The following FHIT variants were observed in gnomAD, a reference collection of about 807,000 sequenced individuals.
FHIT encodes bis(5'-adenosyl)-triphosphatase.
In FHIT, 19 loss-of-function variants were observed where a neutral mutation model predicts 17.9. The observed-to-expected ratio is 1.06, with a 90% CI of 0.74 to 1.56. The LOEUF (loss-of-function observed/expected upper bound fraction) is 1.56. FHIT is among the 40% of genes most tolerant of loss of function. The probability of loss-of-function intolerance (pLI) is 0.00; values close to 1 mark genes in which losing one functional copy is unlikely to be tolerated. For synonymous variants in FHIT, 81 were observed against 69.7 expected (o/e 1.16, Z -0.81); for missense variants, 248 against 189.2 (o/e 1.31, Z -1.82).
intron 2 of FHIT, among the ~76,000 whole-genome samples, chr3:61,110,066 G>A (rs952578741): frequency 7.9e-5 from 12 of 152,024 alleles, no homozygotes; most frequent in Non-Finnish European, 1.3e-4. Flanking sequence ...CTCTACTTAG[G>A]AGCCTGCTAA....
At chr3:60,031,366 T>C (rs910523740) in intron 5 of FHIT, among the ~76,000 whole-genome samples, 4 of 152,158 alleles carry the variant, frequency 2.6e-5, no homozygotes, top group Admixed American at 2.6e-4. Context: ...GGGTCAACCT[T>C]TGACTATAGC....
chr3:59,909,415 C>T (rs1025057345), intron 8 of FHIT, among the ~76,000 whole-genome samples: 1 of 152,034 alleles, frequency 6.6e-6, no homozygotes, highest in East Asian at 1.9e-4. Flanking sequence ...CTGCAACCTC[C>T]TCCTCTGGGG....
At chr3:59,804,888 G>C (rs1700134944) in intron 8 of FHIT, among the ~76,000 whole-genome samples, 1 of 152,188 alleles carries the variant, frequency 6.6e-6, no homozygotes, top group Non-Finnish European at 1.5e-5. Context: ...CATGCACTAA[G>C]CATTTGGGGA....
rs1407740800 is a variant in FHIT, at chr3:60,006,282, TATAATC to T, written c.279+5083_279+5088del. ...TAAGATATTTAAATAGCACAAGTCA[TATAATC>T]AGAGTAAAGTTTTCTCAAGAATTTA... On this transcript the variant is annotated intron_variant, in intron 7 of 9. Coordinates refer to ENST00000492590, the MANE Select transcript of FHIT (RefSeq NM_002012.4). Among the ~76,000 whole-genome samples, 4 of 152,310 alleles carry T rather than the reference TATAATC, an allele frequency of 2.6e-5. No individual in the cohort carries two copies. The South Asian group carries it at 8.3e-4, about 32-fold the overall frequency.
At chr3:60,357,578 A>G (rs1699726766) in intron 5 of FHIT, among the ~76,000 whole-genome samples, 1 of 152,156 alleles carries the variant, frequency 6.6e-6, no homozygotes. Flanking sequence ...AACACATTAA[A>G]TGATGATTTC....
At chr3:60,716,915 C>T (rs1311784248) in intron 4 of FHIT, among the ~76,000 whole-genome samples, 1 of 152,104 alleles carries the variant, frequency 6.6e-6, no homozygotes, top group Non-Finnish European at 1.5e-5. Flanking sequence ...ATTGACCAGA[C>T]CATTGTTAAG....
intron 5 of FHIT, among the ~76,000 whole-genome samples, chr3:60,477,774 C>T (rs60877870): frequency 0.037 from 5,567 of 152,172 alleles, 322 homozygotes; most frequent in African/African-American, 0.12. Flanking sequence ...CCATAGTAAA[C>T]ATTTTTATCT....
At chr3:60,080,939 T>G (rs1168790659) in intron 5 of FHIT, 1 of 152,110 alleles carries the variant, frequency 6.6e-6, no homozygotes, top group Non-Finnish European at 1.5e-5. Context: ...CTAGTCTCCT[T>G]TCTGAGTTTT....
chr3:60,255,756 T>G (rs72890150), intron 5 of FHIT, among the ~76,000 whole-genome samples: 3,986 of 152,140 alleles, frequency 0.026, 170 homozygotes, highest in African/African-American at 0.092. Context: ...TAGATGGATA[T>G]CTATAACTGG....
chr3:60,438,776 A>C (rs775185194), intron 5 of FHIT, among the ~76,000 whole-genome samples: 38 of 152,116 alleles, frequency 2.5e-4, no homozygotes, highest in Admixed American at 1.0e-3. Context: ...GGGTTAAATC[A>C]AACCTCTGCA....
At chr3:59,925,824 C>T (rs1705632448) in intron 7 of FHIT, among the ~76,000 whole-genome samples, 1 of 152,164 alleles carries the variant, frequency 6.6e-6, no homozygotes, top group African/African-American at 2.4e-5. Flanking sequence ...CTTCTCAGAA[C>T]AGGGAAATCA....
chr3:59,894,857 C>T (rs1439230799), intron 8 of FHIT, among the ~76,000 whole-genome samples: 1 of 152,226 alleles, frequency 6.6e-6, no homozygotes, highest in African/African-American at 2.4e-5. Context: ...GGTTTCATCC[C>T]AAGTGCTACC....
chr3:60,669,765 C>A (rs1456369043), intron 4 of FHIT, among the ~76,000 whole-genome samples: 1 of 152,144 alleles, frequency 6.6e-6, no homozygotes, highest in Non-Finnish European at 1.5e-5. Flanking sequence ...GAATGTAAGA[C>A]CAGGCCCCTG....
At chr3:60,707,635 C>G (rs1553703869) in intron 4 of FHIT, among the ~76,000 whole-genome samples, 1 of 152,186 alleles carries the variant, frequency 6.6e-6, no homozygotes. Flanking sequence ...GTCCAGCAGT[C>G]TCTTCTGGAA....
chr3:60,108,891 G>T (rs975215269), intron 5 of FHIT, among the ~76,000 whole-genome samples: 8 of 152,192 alleles, frequency 5.3e-5, no homozygotes, highest in Admixed American at 5.2e-4. Context: ...TCGTACTCCC[G>T]ACCTCAAGTG....
chr3:59,985,877 A>T (rs368443751), intron 7 of FHIT, among the ~76,000 whole-genome samples: 20 of 152,088 alleles, frequency 1.3e-4, no homozygotes, highest in African/African-American at 4.6e-4. Context: ...ACTGGAAATG[A>T]AACCTACTTG....
chr3:60,049,204 C>T lies in FHIT; in HGVS notation c.104-35052G>A, dbSNP rs77640244. Among the ~76,000 whole-genome samples, 490 of 152,256 alleles carry T rather than the reference C, an allele frequency of 3.2e-3. 6 individuals carry two copies. Among genetic ancestry groups the T allele is most frequent in the East Asian group, 0.018 (93 of 5,180 alleles). On this transcript the variant is annotated intron_variant, in intron 5 of 9. Coordinates refer to ENST00000492590, the MANE Select transcript of FHIT (RefSeq NM_002012.4). ...AACTTATTTAAATGATATTTCACTACAAATTATGTTCTTCTTCTATTTGTT... is the reference window on the plus strand; with the variant it reads ...AACTTATTTAAATGATATTTCACTATAAATTATGTTCTTCTTCTATTTGTT...
At chr3:60,124,029 G>GAGAGAGAGAGAGAGAC (rs1705413035) in intron 5 of FHIT, among the ~76,000 whole-genome samples, 1 of 96,090 alleles carries the variant, frequency 1.0e-5, no homozygotes, top group African/African-American at 3.8e-5. Context: ...GAGAGAGAGA[G>GAGAGAGAGAGAGAGAC]AGAGAGAGAG....
chr3:60,181,654 G>A (rs1701943644), intron 5 of FHIT, among the ~76,000 whole-genome samples: 1 of 152,134 alleles, frequency 6.6e-6, no homozygotes, highest in African/African-American at 2.4e-5. Flanking sequence ...AAGCCTCTTG[G>A]TAATAATTAA....
Sources: allele counts gnomAD v4.1 joint callset (sites outside exome capture counted in the v4.1 genomes callset), GRCh38; gene constraint gnomAD v4.1.1; transcripts MANE v1.5; gene names NCBI Gene and HGNC (gene_info 2026-07-23, HGNC 2026-07-21).